UBE2L3: variants seen among roughly 807,000 people sequenced by gnomAD.
UBE2L3 encodes the protein ubiquitin conjugating enzyme E2 L3.
A neutral mutation model predicts 17.8 loss-of-function variants in UBE2L3; 1 was observed. The observed-to-expected ratio is 0.06, with a 90% CI of 0.02 to 0.27. The LOEUF is 0.27. Ranked by LOEUF, UBE2L3 falls within the 10% of genes least tolerant of loss-of-function variation. UBE2L3 has a pLI of 1.00. For synonymous variants in UBE2L3, 44 were observed against 68.5 expected (o/e 0.64, Z 1.76); for missense variants, 40 against 192.6 (o/e 0.21, Z 4.69).
At chr22:21,565,754 C>CAAAAAAAAAA (rs131662), upstream of UBE2L3, among the ~76,000 whole-genome samples, 1 of 30,284 alleles carries the variant, frequency 3.3e-5, no homozygotes, top group Non-Finnish European at 5.9e-5. Context: ...AACTGTGTCT[C>CAAAAAAAAAA]AAAAAAAAAA....
chr22:21,616,312 A>G (rs1929768694), intron 3 of UBE2L3, among the ~76,000 whole-genome samples: 2 of 152,126 alleles, frequency 1.3e-5, no homozygotes, highest in South Asian at 4.1e-4. Context: ...TAGGAGGAGG[A>G]GAATAGGAAG....
intron 2 of UBE2L3, among the ~76,000 whole-genome samples, chr22:21,604,717 G>A (rs73877630): frequency 0.017 from 2,552 of 152,184 alleles, 72 homozygotes; most frequent in African/African-American, 0.058. Flanking sequence ...GCCTTTACCC[G>A]GAAGGTATAT....
At chr22:21,568,533 C>T (rs1419827843) in intron 1 of UBE2L3, among the ~76,000 whole-genome samples, 43 of 152,108 alleles carry the variant, frequency 2.8e-4, no homozygotes, top group Non-Finnish European at 1.3e-4. Flanking sequence ...TCAAAACGGG[C>T]CAAAGTTTAT....
chr22:21,593,354 T>C (rs2148423078), intron 2 of UBE2L3, among the ~76,000 whole-genome samples: 1 of 152,324 alleles, frequency 6.6e-6, no homozygotes, highest in East Asian at 1.9e-4. Context: ...TTCATGTCTC[T>C]AACCCTTTGG....
intron 1 of UBE2L3, among the ~76,000 whole-genome samples, chr22:21,584,477 G>A (rs1927825571): frequency 6.6e-6 from 1 of 151,478 alleles, no homozygotes; most frequent in African/African-American, 2.4e-5. Context: ...ACCCGGCCTC[G>A]GCCTAAATTT....
At chr22:21,564,751 G>A (rs1424004035), upstream of UBE2L3, among the ~76,000 whole-genome samples, 1 of 152,120 alleles carries the variant, frequency 6.6e-6, no homozygotes, top group Non-Finnish European at 1.5e-5. Context: ...CAGCGTAAGC[G>A]TCCCCTTCCT....
rs561303295 is a variant in UBE2L3, at chr22:21,560,607, C to T, written c.201+10957C>T. ...CTGGGATTACAGGCGCATGCCACCA[C>T]GCCTGGCTAGTTTTTGTATTTTTAG... On this transcript the variant is annotated intron_variant, in intron 1 of 3. Coordinates refer to the UBE2L3 transcript ENST00000458578. Among the ~76,000 whole-genome samples the T allele has an allele frequency of 1.7e-4, 25 of 150,770 alleles. No homozygotes were observed. In the South Asian group the frequency reaches 4.1e-3, roughly 25 times the overall value.
At chr22:21,570,713 C>G (rs1434775963) in intron 1 of UBE2L3, among the ~76,000 whole-genome samples, 3 of 150,334 alleles carry the variant, frequency 2.0e-5, no homozygotes, top group African/African-American at 7.3e-5. Flanking sequence ...TTTTTTTTTT[C>G]TTTTAAAGGA....
chr22:21,575,658 T>TC (rs1413588297), intron 1 of UBE2L3, among the ~76,000 whole-genome samples: 1 of 92,686 alleles, frequency 1.1e-5, no homozygotes, highest in Non-Finnish European at 2.1e-5. Flanking sequence ...TTTTTTTTTT[T>TC]TGGAGACGGA....
intron 1 of UBE2L3, among the ~76,000 whole-genome samples, chr22:21,591,415 TG>T (rs1055550353): frequency 1.3e-5 from 2 of 152,254 alleles, no homozygotes; most frequent in South Asian, 4.1e-4. Context: ...GAGCACCCTG[TG>T]GGGGGAAACT....
chr22:21,567,311 C>A (rs1926676862), upstream of UBE2L3, among the ~76,000 whole-genome samples: 2 of 152,130 alleles, frequency 1.3e-5, no homozygotes, highest in South Asian at 4.1e-4. Flanking sequence ...TTACAGGCGC[C>A]CGCCACCACG....
chr22:21,617,343 T>G (rs8139079), intron 3 of UBE2L3, among the ~76,000 whole-genome samples: 32,851 of 151,810 alleles, frequency 0.22, 4,359 homozygotes, highest in East Asian at 0.51. Context: ...CTTGGCTCAT[T>G]GCAACCTCCG....
intron 1 of UBE2L3, among the ~76,000 whole-genome samples, chr22:21,592,218 G>A (rs1218525628): frequency 6.6e-6 from 1 of 152,104 alleles, no homozygotes; most frequent in East Asian, 1.9e-4. Flanking sequence ...CTCTGGGTCT[G>A]TTTTGCAGCT....
chr22:21,614,796 C>A, intron 3 of UBE2L3: 1 of 237,234 alleles, frequency 4.2e-6, no homozygotes, highest in Non-Finnish European at 6.9e-6. Flanking sequence ...ATGTTCATAG[C>A]ACCATTATTC....
chr22:21,601,844 C>T (rs1928877304), intron 2 of UBE2L3, among the ~76,000 whole-genome samples: 1 of 151,616 alleles, frequency 6.6e-6, no homozygotes, highest in Admixed American at 6.6e-5. Flanking sequence ...TGGTGGTGGG[C>T]GCCTGTAGTC....
intron 2 of UBE2L3, among the ~76,000 whole-genome samples, chr22:21,607,492 G>C (rs982949851): frequency 5.3e-5 from 8 of 150,202 alleles, no homozygotes; most frequent in African/African-American, 2.0e-4. Context: ...TCCAGCCTGG[G>C]CGACAGAGCG....
At chr22:21,613,311 CTG>C (rs1389254202) in intron 3 of UBE2L3, among the ~76,000 whole-genome samples, 4 of 152,222 alleles carry the variant, frequency 2.6e-5, no homozygotes, top group Non-Finnish European at 2.9e-5. Flanking sequence ...CTTTTTCAGA[CTG>C]TGGCTGCTTC....
chr22:21,574,413 T>G (rs934800106), intron 1 of UBE2L3, among the ~76,000 whole-genome samples: 1 of 152,196 alleles, frequency 6.6e-6, no homozygotes, highest in African/African-American at 2.4e-5. Context: ...TGGCATATAG[T>G]AAGTGTGAGC....
At chr22:21,585,521 A>G (rs1007707711) in intron 1 of UBE2L3, among the ~76,000 whole-genome samples, 1 of 152,210 alleles carries the variant, frequency 6.6e-6, no homozygotes, top group Non-Finnish European at 1.5e-5. Flanking sequence ...TTCTAAAGCC[A>G]TTCGATTCTC....
Sources: gnomAD v4.1 joint callset for allele counts (sites outside exome capture counted in the v4.1 genomes callset) on GRCh38, gnomAD v4.1.1 for gene constraint, MANE v1.5 for transcripts, NCBI Gene and HGNC (gene_info 2026-07-23, HGNC 2026-07-21) for gene names.